MAGI3: variants seen among roughly 807,000 people sequenced by gnomAD.
MAGI3 encodes membrane-associated guanylate kinase, WW and PDZ domain-containing protein 3.
In MAGI3, 43 loss-of-function variants were observed where a neutral mutation model predicts 121.8. The observed-to-expected ratio is 0.35, with a 90% CI of 0.28 to 0.46. MAGI3 has a LOEUF of 0.46. Among genes scored for constraint, MAGI3 ranks in the 20% least tolerant of loss-of-function variants. The pLI is 1.00. For synonymous variants in MAGI3, 553 were observed against 639.3 expected (o/e 0.86, Z 2.04); for missense variants, 1,547 against 1,797.3 (o/e 0.86, Z 2.52).
At chr1:113,561,551 TA>T in intron 2 of MAGI3, among the ~76,000 whole-genome samples, 1 of 152,198 alleles carries the variant, frequency 6.6e-6, no homozygotes, top group Non-Finnish European at 1.5e-5. Flanking sequence ...AGGCCTTTGA[TA>T]AAATTTAACA....
intron 1 of MAGI3, among the ~76,000 whole-genome samples, chr1:113,447,852 C>CT (rs1362299879): frequency 1.4e-5 from 2 of 144,216 alleles, no homozygotes; most frequent in Non-Finnish European, 1.5e-5. Flanking sequence ...AAGACTGTGT[C>CT]TCAAAAAAAA....
chr1:113,460,134 G>T (rs1396377417), intron 1 of MAGI3, among the ~76,000 whole-genome samples: 1 of 152,194 alleles, frequency 6.6e-6, no homozygotes, highest in Non-Finnish European at 1.5e-5. Flanking sequence ...ATCAGTAATT[G>T]TGATTCATCA....
chr1:113,458,349 G>A (rs1333786355), intron 1 of MAGI3, among the ~76,000 whole-genome samples: 1 of 152,104 alleles, frequency 6.6e-6, no homozygotes, highest in Non-Finnish European at 1.5e-5. Context: ...AATGAATGCT[G>A]TTTGCTGAAA....
chr1:113,397,949 T>C (rs1651202294), intron 1 of MAGI3, among the ~76,000 whole-genome samples: 1 of 152,222 alleles, frequency 6.6e-6, no homozygotes, highest in Admixed American at 6.5e-5. Flanking sequence ...ATTTTCATCT[T>C]AATCCCGCCT....
chr1:113,596,230 G>A (rs920552660), intron 6 of MAGI3, among the ~76,000 whole-genome samples: 5 of 152,122 alleles, frequency 3.3e-5, no homozygotes, highest in Admixed American at 2.0e-4. Flanking sequence ...ACAAAATAGA[G>A]AGTCTAGAAA....
intron 5 of MAGI3, among the ~76,000 whole-genome samples, chr1:113,592,729 TTGGCCAGGCACGG>T (rs1251607467): frequency 6.6e-6 from 1 of 152,102 alleles, no homozygotes; most frequent in Non-Finnish European, 1.5e-5. Flanking sequence ...AAAAACTGTT[TTGGCCAGGCACGG>T]TGGCTCACGC....
chr1:113,616,885 CTTTT>C (rs36011283), intron 7 of MAGI3, among the ~76,000 whole-genome samples: 2 of 134,132 alleles, frequency 1.5e-5, no homozygotes. Context: ...ACAACTAAAA[CTTTT>C]TTTTTTTTTT....
At chr1:113,630,325 G>C (rs1651546064) in intron 9 of MAGI3, among the ~76,000 whole-genome samples, 1 of 152,062 alleles carries the variant, frequency 6.6e-6, no homozygotes, top group South Asian at 2.1e-4. Flanking sequence ...GATGAATGCT[G>C]TCAGGCCTGG....
intron 1 of MAGI3, among the ~76,000 whole-genome samples, chr1:113,416,379 T>C (rs1311713319): frequency 8.3e-5 from 9 of 108,618 alleles, no homozygotes; most frequent in South Asian, 2.7e-4. Context: ...ATTAATATAT[T>C]AATAATATAT....
At chr1:113,618,574 C>T (rs950001841) in intron 7 of MAGI3, 32 of 435,880 alleles carry the variant, frequency 7.3e-5, no homozygotes, top group Non-Finnish European at 1.4e-4. Context: ...GGCATGATCT[C>T]GGCTCACTGC....
At chr1:113,636,726 T>A (rs1048531619) in intron 9 of MAGI3, among the ~76,000 whole-genome samples, 2 of 152,100 alleles carry the variant, frequency 1.3e-5, no homozygotes, top group African/African-American at 4.8e-5. Context: ...TGGAGAGTTC[T>A]GTAGATGTCT....
chr1:113,416,785 C>A (rs1318709432), intron 1 of MAGI3, among the ~76,000 whole-genome samples: 1 of 151,528 alleles, frequency 6.6e-6, no homozygotes, highest in Non-Finnish European at 1.5e-5. Flanking sequence ...AGATTAGAAC[C>A]TGAGCATTAA....
chr1:113,565,717 G>A (rs928484612), intron 2 of MAGI3, among the ~76,000 whole-genome samples: 1 of 152,120 alleles, frequency 6.6e-6, no homozygotes, highest in Non-Finnish European at 1.5e-5. Context: ...TTTATATGAA[G>A]TATAATATAC....
At chr1:113,408,664 C>T (rs900862527) in intron 1 of MAGI3, among the ~76,000 whole-genome samples, 2 of 151,938 alleles carry the variant, frequency 1.3e-5, no homozygotes, top group African/African-American at 4.8e-5. Context: ...GGAAATTAAC[C>T]CAATAGAGCA....
chr1:113,578,932 T>C (rs544577477), intron 2 of MAGI3, among the ~76,000 whole-genome samples: 1 of 141,122 alleles, frequency 7.1e-6, no homozygotes, highest in Admixed American at 7.1e-5. Context: ...TCTCAGATTA[T>C]TACCATTAAT....
chr1:113,650,914 G>A, intron 13 of MAGI3, 100 bp from the exon 14 acceptor site: 4 of 1,065,692 alleles, frequency 3.8e-6, no homozygotes, highest in Non-Finnish European at 5.5e-6. Flanking sequence ...TAGTTGAACT[G>A]CAAAAATCTG....
intron 19 of MAGI3, 86 bp downstream of exon 19, chr1:113,673,551 C>A: frequency 1.5e-6 from 2 of 1,364,694 alleles, no homozygotes; most frequent in Non-Finnish European, 2.0e-6. Context: ...AAAGGGAATG[C>A]AGGAACCTCC....
At chr1:113,590,039 T>A (rs992621956) in intron 4 of MAGI3, among the ~76,000 whole-genome samples, 1 of 152,124 alleles carries the variant, frequency 6.6e-6, no homozygotes, top group East Asian at 1.9e-4. Context: ...TAATTTTGAC[T>A]AAGTTAACTT....
At chr1:113,419,360 G>T (rs1472818643) in intron 1 of MAGI3, among the ~76,000 whole-genome samples, 1 of 152,092 alleles carries the variant, frequency 6.6e-6, no homozygotes, top group Non-Finnish European at 1.5e-5. Flanking sequence ...TACTCAGTTT[G>T]GGAGGAATAG....
Sources: allele counts gnomAD v4.1 joint callset (sites outside exome capture counted in the v4.1 genomes callset), GRCh38; gene constraint gnomAD v4.1.1; transcripts MANE v1.5; gene names NCBI Gene and HGNC (gene_info 2026-07-23, HGNC 2026-07-21).